Variants in GALNTL6 observed in about 807,000 individuals in gnomAD.
GALNTL6 encodes the protein polypeptide N-acetylgalactosaminyltransferase like 6.
GALNTL6 carries 46 observed loss-of-function variants against 73.7 expected under a neutral mutation model. That is an observed-to-expected ratio of 0.62 (90% confidence interval 0.49 to 0.80). The LOEUF is 0.80. Ranked by LOEUF, GALNTL6 falls within the 30% of genes least tolerant of loss-of-function variation. The pLI is 0.00. For missense variants in GALNTL6, 604 were observed against 755.0 expected (o/e 0.80, Z 2.34); for synonymous variants, 259 against 263.7 (o/e 0.98, Z 0.17).
chr4:172,984,793 A>G (rs1452482030), intron 10 of GALNTL6, among the ~76,000 whole-genome samples: 4 of 152,168 alleles, frequency 2.6e-5, no homozygotes, highest in Non-Finnish European at 5.9e-5. Context: ...TAAAAATAAT[A>G]AATTAATAAA....
intron 3 of GALNTL6, among the ~76,000 whole-genome samples, chr4:172,281,246 G>A (rs957210311): frequency 2.6e-4 from 40 of 152,110 alleles, no homozygotes; most frequent in African/African-American, 8.0e-4. Context: ...GATCAGCAGC[G>A]CTGCATTTCA....
At chr4:172,960,508 AG>A (rs970940031) in intron 10 of GALNTL6, among the ~76,000 whole-genome samples, 1 of 152,154 alleles carries the variant, frequency 6.6e-6, no homozygotes, top group Non-Finnish European at 1.5e-5. Flanking sequence ...TCTGTAGAAA[AG>A]GAAGATTAGA....
At chr4:172,836,818 G>A (rs1389093598) in intron 7 of GALNTL6, among the ~76,000 whole-genome samples, 1 of 152,050 alleles carries the variant, frequency 6.6e-6, no homozygotes, top group Non-Finnish European at 1.5e-5. Context: ...TTTAATTATG[G>A]TCAACTGGGT....
intron 2 of GALNTL6, among the ~76,000 whole-genome samples, chr4:171,943,587 T>TA (rs1738615234): frequency 1.3e-5 from 2 of 152,218 alleles, no homozygotes; most frequent in African/African-American, 4.8e-5. Flanking sequence ...ACTCTCAACT[T>TA]ACTTTTCTCA....
Position 172,183,183 on chromosome 4 carries a change from G to A in GALNTL6, c.139-46473G>A, listed in dbSNP as rs147268328. Among the ~76,000 whole-genome samples the A allele has an allele frequency of 3.4e-3, 518 of 152,106 alleles. 1 individual carries two copies. Among genetic ancestry groups the A allele is most frequent in the Middle Eastern group, 0.017 (5 of 294 alleles). ...CTGTGAATATTATCAAATAAAACTA[G>A]GATTGCTTTAGAAAGTTTTGAACAT... On this transcript the variant is annotated intron_variant, in intron 2 of 12. Transcript: ENST00000506823.
At chr4:172,436,892 TG>T in intron 5 of GALNTL6, among the ~76,000 whole-genome samples, 1 of 152,144 alleles carries the variant, frequency 6.6e-6, no homozygotes. Flanking sequence ...TTTTATTTGG[TG>T]GATTTGCAGT....
intron 5 of GALNTL6, among the ~76,000 whole-genome samples, chr4:172,390,723 A>G (rs76717235): frequency 0.097 from 14,777 of 152,258 alleles, 800 homozygotes; most frequent in East Asian, 0.18. Context: ...AAAATAATAA[A>G]TATAACTAAG....
chr4:172,531,561 C>G (rs1389959462), intron 5 of GALNTL6, among the ~76,000 whole-genome samples: 7 of 152,192 alleles, frequency 4.6e-5, no homozygotes, highest in Non-Finnish European at 8.8e-5. Flanking sequence ...CACTGGAAAC[C>G]ACTACACATG....
intron 3 of GALNTL6, among the ~76,000 whole-genome samples, chr4:172,232,689 A>C (rs1195403802): frequency 6.6e-6 from 1 of 152,142 alleles, no homozygotes; most frequent in African/African-American, 2.4e-5. Flanking sequence ...GAATATTTGA[A>C]ATTGACTTTT....
At chr4:172,162,760 A>G (rs1356570313) in intron 2 of GALNTL6, among the ~76,000 whole-genome samples, 1 of 152,088 alleles carries the variant, frequency 6.6e-6, no homozygotes, top group Non-Finnish European at 1.5e-5. Context: ...GTAATCAAGT[A>G]CATCAGCTTT....
intron 2 of GALNTL6, among the ~76,000 whole-genome samples, chr4:172,177,586 ACTTAT>A (rs756685641): frequency 1.3e-5 from 2 of 151,958 alleles, no homozygotes; most frequent in Admixed American, 6.6e-5. Context: ...ATTACTGTTC[ACTTAT>A]CTTGTCTACC....
At chr4:171,961,529 T>C (rs1226231492) in intron 2 of GALNTL6, among the ~76,000 whole-genome samples, 1 of 152,218 alleles carries the variant, frequency 6.6e-6, no homozygotes, top group Admixed American at 6.5e-5. Context: ...TTATTCTTGC[T>C]GCACTTTATA....
At chr4:171,847,824 A>T (rs536685129) in intron 2 of GALNTL6, among the ~76,000 whole-genome samples, 1 of 152,224 alleles carries the variant, frequency 6.6e-6, no homozygotes, top group East Asian at 1.9e-4. Flanking sequence ...TCCATGACAA[A>T]TGTAGTCACC....
chr4:172,520,894 C>G (rs1734755309), intron 5 of GALNTL6, among the ~76,000 whole-genome samples: 1 of 151,966 alleles, frequency 6.6e-6, no homozygotes. Context: ...AAAACACACA[C>G]TAAAGCAGCA....
At chr4:171,968,462 A>C (rs980790958) in intron 2 of GALNTL6, among the ~76,000 whole-genome samples, 74 of 152,242 alleles carry the variant, frequency 4.9e-4, no homozygotes, top group African/African-American at 1.7e-3. Context: ...CTTCTTCTCT[A>C]TGTTTGTGTC....
Position 172,523,259 on chromosome 4 carries a change from C to G in GALNTL6, c.553+174570C>G, listed in dbSNP as rs185477934. On this transcript the variant is annotated intron_variant, in intron 5 of 12. Transcript: ENST00000506823. Reference sequence around the variant, plus strand: ...ACATCCTTAAACCTGAGCAGACACTCAGACCTGGCTGTGTTTTAAATGACA... The same window carrying G: ...ACATCCTTAAACCTGAGCAGACACTGAGACCTGGCTGTGTTTTAAATGACA... 3.8e-3 allele frequency among the ~76,000 whole-genome samples: 576 copies of G among 152,332 alleles called. 3 individuals are homozygous for G. Among genetic ancestry groups the G allele is most frequent in the African/African-American group, 0.013 (546 of 41,578 alleles).
At chr4:173,018,947 C>T (rs902329179) in intron 11 of GALNTL6, among the ~76,000 whole-genome samples, 1 of 152,174 alleles carries the variant, frequency 6.6e-6, no homozygotes, top group African/African-American at 2.4e-5. Context: ...CAACAGACTT[C>T]CTTGGAGGCT....
intron 10 of GALNTL6, among the ~76,000 whole-genome samples, chr4:172,981,383 G>A (rs563113628): frequency 6.6e-6 from 1 of 152,202 alleles, no homozygotes; most frequent in East Asian, 1.9e-4. Flanking sequence ...ACTGTTGCTG[G>A]GTTTTTTTAA....
chr4:172,659,765 G>T (rs1097575), intron 5 of GALNTL6, among the ~76,000 whole-genome samples: 55 of 152,268 alleles, frequency 3.6e-4, no homozygotes, highest in African/African-American at 1.2e-3. Flanking sequence ...TAGATAATCT[G>T]GCTGGCCTGC....
Sources: gnomAD v4.1 joint callset for allele counts (sites outside exome capture counted in the v4.1 genomes callset) on GRCh38, gnomAD v4.1.1 for gene constraint, MANE v1.5 for transcripts, NCBI Gene and HGNC (gene_info 2026-07-23, HGNC 2026-07-21) for gene names.